The following DCDC2 variants were observed in gnomAD, a reference collection of about 807,000 sequenced individuals.
DCDC2 encodes the protein doublecortin domain containing 2.
A neutral mutation model predicts 50.2 loss-of-function variants in DCDC2; 40 were observed. The observed-to-expected ratio is 0.80, with a 90% CI of 0.62 to 1.04. The LOEUF (loss-of-function observed/expected upper bound fraction) is 1.04. Among genes scored for constraint, DCDC2 ranks in the 50% least tolerant of loss-of-function variants. The pLI is 0.00. For missense variants in DCDC2, 570 were observed against 581.9 expected, an observed-to-expected ratio of 0.98 and a Z score of 0.21; for synonymous variants, 234 against 210.6, an observed-to-expected ratio of 1.11 and a Z score of -0.96.
chr6:24,291,165 A>G, intron 4 of DCDC2, 87 bp from the exon 5 acceptor site: 2 of 1,299,704 alleles, frequency 1.5e-6, no homozygotes, highest in South Asian at 1.3e-5. Context: ...GGATGTCAAA[A>G]AAATTAAAAT....
chr6:24,251,836 T>A (rs1762801178), intron 7 of DCDC2, among the ~76,000 whole-genome samples: 1 of 152,236 alleles, frequency 6.6e-6, no homozygotes. Context: ...TACTGGACTC[T>A]TTCCAATTAT....
chr6:24,355,102 G>A (rs1307914071), intron 1 of DCDC2, among the ~76,000 whole-genome samples: 2 of 152,062 alleles, frequency 1.3e-5, no homozygotes, highest in African/African-American at 2.4e-5. Flanking sequence ...CATTATAACC[G>A]TAGATACTAC....
intron 7 of DCDC2, among the ~76,000 whole-genome samples, chr6:24,215,245 G>C (rs1160808895): frequency 6.6e-6 from 1 of 152,206 alleles, no homozygotes; most frequent in Non-Finnish European, 1.5e-5. Flanking sequence ...GCAAAGGCTT[G>C]GAGGCATTGC....
intron 4 of DCDC2, 36 bp from the exon 5 acceptor site, chr6:24,291,114 A>T (rs771643295): frequency 3.8e-6 from 6 of 1,585,574 alleles, no homozygotes; most frequent in Non-Finnish European, 5.1e-6. Context: ...TTAGAATTTT[A>T]ACCAACATTT....
At chr6:24,266,939 C>T (rs1763134811) in intron 7 of DCDC2, among the ~76,000 whole-genome samples, 1 of 152,054 alleles carries the variant, frequency 6.6e-6, no homozygotes, top group East Asian at 1.9e-4. Flanking sequence ...ATAAAGAAAA[C>T]GTGGTATAGA....
rs542243653 is a variant in DCDC2, at chr6:24,287,175, T to C, written c.759+1677A>G. Among the ~76,000 whole-genome samples the C allele has an allele frequency of 5.9e-5, 9 of 152,260 alleles. No homozygotes were observed. The South Asian group carries it at 1.9e-3, about 32-fold the overall frequency. ...ATGTAATAACTGTCACCACCTACCATGTCAGGCACATCAGCCCCCACACCA... is the reference window on the plus strand; with the variant it reads ...ATGTAATAACTGTCACCACCTACCACGTCAGGCACATCAGCCCCCACACCA... On this transcript the variant is annotated intron_variant, in intron 6 of 9. Transcript: ENST00000378454.
chr6:24,327,024 G>C lies in DCDC2; in HGVS notation c.349-24980C>G, dbSNP rs531525324. The stretch of plus-strand genomic sequence containing the variant: ...AATCTCATTCCTTCAGCACAGCTCA[G>C]CACCTGGCAAATTGGAGGCAACAAA... On this transcript the variant is annotated intron_variant, in intron 2 of 9. Transcript: ENST00000378454. Among the ~76,000 whole-genome samples, 2 of 149,608 alleles carry C rather than the reference G, an allele frequency of 1.3e-5. 1 individual carries two copies. Among genetic ancestry groups the C allele is most frequent in the East Asian group, 4.5e-4 (2 of 4,488 alleles).
At chr6:24,201,880 G>C (rs1335877500) in intron 8 of DCDC2, among the ~76,000 whole-genome samples, 1 of 152,060 alleles carries the variant, frequency 6.6e-6, no homozygotes, top group Non-Finnish European at 1.5e-5. Flanking sequence ...AAATAAACTA[G>C]AAAATCTAGA....
intron 7 of DCDC2, among the ~76,000 whole-genome samples, chr6:24,271,738 A>G (rs1283248593): frequency 6.6e-6 from 1 of 152,232 alleles, no homozygotes; most frequent in Non-Finnish European, 1.5e-5. Flanking sequence ...CCTACACAGC[A>G]TCGGCAGCAC....
chr6:24,209,955 T>G (rs1361725796), intron 7 of DCDC2, among the ~76,000 whole-genome samples: 1 of 152,092 alleles, frequency 6.6e-6, no homozygotes, highest in African/African-American at 2.4e-5. Flanking sequence ...TCAATGACCA[T>G]CATTACAATA....
chr6:24,363,042 G>C (rs925620295), upstream of DCDC2, among the ~76,000 whole-genome samples: 1 of 152,186 alleles, frequency 6.6e-6, no homozygotes, highest in African/African-American at 2.4e-5. Context: ...GCTAAGGAAT[G>C]AGGAGCTTCA....
intron 6 of DCDC2, among the ~76,000 whole-genome samples, chr6:24,285,961 T>C (rs551191245): frequency 6.6e-6 from 1 of 152,204 alleles, no homozygotes; most frequent in Admixed American, 6.5e-5. Context: ...CAGAAGGGAT[T>C]CTGCTACAAA....
At chr6:24,196,234 T>TA (rs1015303606) in intron 8 of DCDC2, among the ~76,000 whole-genome samples, 4 of 140,702 alleles carry the variant, frequency 2.8e-5, no homozygotes, top group African/African-American at 1.0e-4. Context: ...TTTTTTTTTT[T>TA]ATGCAATACT....
intron 4 of DCDC2, among the ~76,000 whole-genome samples, chr6:24,294,831 A>G (rs191770858): frequency 6.6e-6 from 1 of 152,282 alleles, no homozygotes; most frequent in East Asian, 1.9e-4. Context: ...CGTAATGAAT[A>G]GCCTACCGAT....
intron 7 of DCDC2, among the ~76,000 whole-genome samples, chr6:24,252,482 G>C (rs949542821): frequency 6.6e-6 from 1 of 152,114 alleles, no homozygotes; most frequent in African/African-American, 2.4e-5. Context: ...GAAAAAGGGC[G>C]ATGATTGAAA....
At chr6:24,188,385 G>T (rs544654734) in intron 8 of DCDC2, among the ~76,000 whole-genome samples, 1 of 147,942 alleles carries the variant, frequency 6.8e-6, no homozygotes, top group South Asian at 2.2e-4. Flanking sequence ...CTGAAAGTTG[G>T]AAGACAATGG....
intron 7 of DCDC2, 57 bp downstream of exon 7, chr6:24,277,992 G>A: frequency 7.3e-7 from 1 of 1,366,486 alleles, no homozygotes; most frequent in South Asian, 1.4e-5. Context: ...AGAAACAATG[G>A]ATCTATTTAA....
chr6:24,339,158 C>T (rs1259165974), intron 2 of DCDC2, among the ~76,000 whole-genome samples: 1 of 151,978 alleles, frequency 6.6e-6, no homozygotes, highest in Non-Finnish European at 1.5e-5. Context: ...TCTCCTTTGC[C>T]TGCAATGCTC....
At chr6:24,207,252 ATCTT>A (rs1290381819) in intron 7 of DCDC2, among the ~76,000 whole-genome samples, 5 of 90,338 alleles carry the variant, frequency 5.5e-5, no homozygotes, top group East Asian at 5.0e-4. Flanking sequence ...CACTCCATCT[ATCTT>A]TCTCTCTCTC....
Sources: allele counts gnomAD v4.1 joint callset (sites outside exome capture counted in the v4.1 genomes callset), GRCh38; gene constraint gnomAD v4.1.1; transcripts MANE v1.5; gene names NCBI Gene and HGNC (gene_info 2026-07-23, HGNC 2026-07-21).